Variants in PPP4R2 observed in about 807,000 individuals in gnomAD.
PPP4R2 encodes the protein serine/threonine-protein phosphatase 4 regulatory subunit 2.
Under a neutral mutation model 47.2 loss-of-function variants are expected in PPP4R2, and 13 were observed. That is an observed-to-expected ratio of 0.28 (90% CI 0.18 to 0.44). PPP4R2 has a LOEUF of 0.44. PPP4R2 is among the 20% of genes least tolerant of loss of function. The pLI, the probability that PPP4R2 is intolerant of heterozygous loss-of-function variation, is 1.00. For missense variants in PPP4R2, 421 were observed against 491.2 expected (o/e 0.86, Z 1.35); for synonymous variants, 151 against 163.3 (o/e 0.92, Z 0.57).
chr3:73,031,431 T>TGAG (rs1396418231), intron 2 of PPP4R2, among the ~76,000 whole-genome samples: 1 of 152,008 alleles, frequency 6.6e-6, no homozygotes, highest in African/African-American at 2.4e-5. Flanking sequence ...TAATCCCAGC[T>TGAG]ACTCGGGAGG....
rs142296399 is a variant in PPP4R2, at chr3:72,997,389, C to T, written c.34+318C>T. On this transcript the variant is annotated intron_variant, in intron 1 of 8. Transcript: ENST00000356692. The stretch of plus-strand genomic sequence containing the variant: ...CCGCAGACCCCTCCCTCCCAGATAT[C>T]CTCTTTTCTCCACCAGGCTACCCGT... 238 of 276,952 alleles carry T rather than the reference C, an allele frequency of 8.6e-4. 4 individuals carry two copies. In the East Asian group the frequency reaches 0.013, roughly 15 times the overall value. 17.2% of individuals were successfully genotyped at this position (276,952 alleles called of 1,614,324 possible).
In PPP4R2 at chr3:73,062,785, A is replaced by G. The variant is rs992485710; in HGVS notation, c.420-888A>G. ...AGTGCTGATCTGCTAATCAGCTGCA[A>G]TGCAGAATCAGCCATAGGTTGGATC... is the stretch of plus-strand genomic sequence containing the variant. On this transcript the variant is annotated intron_variant, in intron 5 of 8. Coordinates refer to ENST00000356692, the MANE Select transcript of PPP4R2 (RefSeq NM_174907.4). 5 of 1,613,982 alleles carry G rather than the reference A, an allele frequency of 3.1e-6. No homozygotes were observed. The highest frequency in any genetic ancestry group is 2.2e-5 in the East Asian group (1 of 44,882).
intron 2 of PPP4R2, among the ~76,000 whole-genome samples, chr3:73,046,424 T>A (rs1393140620): frequency 6.6e-6 from 1 of 152,196 alleles, no homozygotes; most frequent in Non-Finnish European, 1.5e-5. Flanking sequence ...GAGGAAATGG[T>A]TAGCATTCCT....
chr3:72,998,339 A>G (rs1701393046), intron 2 of PPP4R2, among the ~76,000 whole-genome samples, 181 bp downstream of exon 2: 1 of 152,212 alleles, frequency 6.6e-6, no homozygotes, highest in Non-Finnish European at 1.5e-5. Flanking sequence ...TACTTTATAC[A>G]TGGTCTGTAA....
At chr3:73,030,976 A>G (rs901287486) in intron 2 of PPP4R2, among the ~76,000 whole-genome samples, 1 of 152,052 alleles carries the variant, frequency 6.6e-6, no homozygotes, top group Admixed American at 6.6e-5. Context: ...TGCTGGGGTT[A>G]CATGTGTGAG....
At chr3:73,014,769 A>G (rs1442120610) in intron 2 of PPP4R2, 1 of 400,212 alleles carries the variant, frequency 2.5e-6, no homozygotes. Flanking sequence ...TGGCTAGACT[A>G]AAAAAATTGC....
At chr3:73,007,409 C>T (rs1701633372) in intron 2 of PPP4R2, among the ~76,000 whole-genome samples, 1 of 152,130 alleles carries the variant, frequency 6.6e-6, no homozygotes, top group Admixed American at 6.6e-5. Flanking sequence ...TCCTTAAGCC[C>T]ATGAGGCTGT....
intron 5 of PPP4R2, chr3:73,062,874 C>T (rs752817189): frequency 2.1e-5 from 34 of 1,613,310 alleles, no homozygotes; most frequent in Non-Finnish European, 2.9e-5. Flanking sequence ...TGAATCCCCT[C>T]TACACAAGCT....
At chr3:73,062,905 C>T (rs1300430764) in intron 5 of PPP4R2, 1 of 1,607,172 alleles carries the variant, frequency 6.2e-7, no homozygotes, top group Non-Finnish European at 8.5e-7. Context: ...AGTTAGTTGC[C>T]AAGAAAGCAC....
chr3:73,013,791 A>G (rs1317896218), intron 2 of PPP4R2, among the ~76,000 whole-genome samples: 1 of 152,134 alleles, frequency 6.6e-6, no homozygotes, highest in African/African-American at 2.4e-5. Flanking sequence ...GGCACGTGCC[A>G]CCGTGCCCAG....
chr3:73,024,494 T>C (rs1363611056), intron 2 of PPP4R2, among the ~76,000 whole-genome samples: 1 of 152,188 alleles, frequency 6.6e-6, no homozygotes, highest in Non-Finnish European at 1.5e-5. Flanking sequence ...GGTAGTCTGC[T>C]GGACTCAGTG....
chr3:72,997,192 G>A (rs992160845), intron 1 of PPP4R2, 121 bp downstream of exon 1: 2 of 718,714 alleles, frequency 2.8e-6, no homozygotes, highest in Non-Finnish European at 4.0e-6. Context: ...TGCTTCCCGG[G>A]CTCCCATCCC....
chr3:73,035,555 A>G (rs1702245980), intron 2 of PPP4R2, among the ~76,000 whole-genome samples: 1 of 152,222 alleles, frequency 6.6e-6, no homozygotes, highest in African/African-American at 2.4e-5. Flanking sequence ...CATCTGACCT[A>G]GCAATCCCCA....
rs558017639 is a variant in PPP4R2 at position 72,997,030 on chromosome 3, G to A, written c.-8G>A. Reference sequence around the variant, plus strand: ...GGAGGCGGAGGCTGTGAGGGACTCCGGGAAGCCATGGACGTCGAGAGGCTC... The same window carrying A: ...GGAGGCGGAGGCTGTGAGGGACTCCAGGAAGCCATGGACGTCGAGAGGCTC... On this transcript the variant is annotated 5_prime_UTR_variant, in exon 1 of 9. Coordinates refer to ENST00000356692, the MANE Select transcript of PPP4R2 (RefSeq NM_174907.4). 9.3e-6 allele frequency: 13 copies of A among 1,398,754 alleles called. No homozygotes were observed. The African/African-American group carries it at 1.2e-4, about 13-fold the overall frequency. The allele number at this position is 1,398,754 out of a possible 1,614,324, so 86.6% of individuals were successfully genotyped here. A position where few individuals can be genotyped will look rare whatever the true frequency, so the allele number is the denominator to read the frequency against.
chr3:73,051,435 T>TA (rs772787000), intron 3 of PPP4R2, among the ~76,000 whole-genome samples: 3 of 152,220 alleles, frequency 2.0e-5, no homozygotes, highest in African/African-American at 4.8e-5. Flanking sequence ...TTTGTGTACT[T>TA]ACAGCCTTTC....
chr3:73,054,818 C>CT lies in PPP4R2; in HGVS notation c.288-4215dup, dbSNP rs770201835. ...TTTTGAGTGCCTTGTCAACTTAGTA[C>CT]TTTTATAGAAATTTAGGTTAAAATA... is the stretch of plus-strand genomic sequence containing the variant. On this transcript the variant is annotated intron_variant, in intron 3 of 8. Transcript: ENST00000356692. Among the ~76,000 whole-genome samples the CT allele has an allele frequency of 3.3e-5, 5 of 152,104 alleles. No individual in the cohort carries two copies. The East Asian group carries it at 9.7e-4, about 29-fold the overall frequency.
At position 73,009,738 on chromosome 3, in the gene PPP4R2, A is replaced by G. The variant is rs558082881; in HGVS notation, c.116+11580A>G. On this transcript the variant is annotated intron_variant, in intron 2 of 8. Coordinates refer to ENST00000356692, the MANE Select transcript of PPP4R2 (RefSeq NM_174907.4). ...AAGTTTGTTATTCAGGATCCATAGC[A>G]AAAAACTGAATCGCTGACTAAAACT... Among the ~76,000 whole-genome samples the G allele has an allele frequency of 3.3e-5, 5 of 152,350 alleles. No individual in the cohort carries two copies. In the South Asian group the frequency reaches 1.0e-3, roughly 32 times the overall value.
chr3:73,063,852 GA>G, intron 6 of PPP4R2, 105 bp downstream of exon 6: 1 of 1,097,480 alleles, frequency 9.1e-7, no homozygotes, highest in Non-Finnish European at 1.4e-6. Flanking sequence ...GACACCATAG[GA>G]TGAACTACAT....
chr3:73,046,194 G>A (rs1235744554), intron 2 of PPP4R2, among the ~76,000 whole-genome samples: 2 of 152,154 alleles, frequency 1.3e-5, no homozygotes, highest in African/African-American at 4.8e-5. Flanking sequence ...TATACCATCA[G>A]TGCACACATT....
Sources: gnomAD v4.1 joint callset for allele counts (sites outside exome capture counted in the v4.1 genomes callset) on GRCh38, gnomAD v4.1.1 for gene constraint, MANE v1.5 for transcripts, NCBI Gene and HGNC (gene_info 2026-07-23, HGNC 2026-07-21) for gene names.